Variants in ENOX1 observed in about 807,000 individuals in gnomAD.
ENOX1 encodes candidate growth-related and time keeping constitutive hydroquinone (NADH) oxidase.
Under a neutral mutation model 82.5 loss-of-function variants are expected in ENOX1, and 42 were observed. The ratio of observed to expected loss-of-function variants is 0.51; its 90% CI spans 0.40 to 0.66. The LOEUF is 0.66. Ranked by LOEUF, ENOX1 falls within the 30% of genes least tolerant of loss-of-function variation. The pLI, the probability that ENOX1 is intolerant of heterozygous loss-of-function variation, is 0.00. For missense variants in ENOX1, 608 were observed against 811.6 expected (o/e 0.75, Z 3.05); for synonymous variants, 271 against 282.2 (o/e 0.96, Z 0.40).
intron 2 of ENOX1, among the ~76,000 whole-genome samples, chr13:43,543,236 G>C (rs76583044): frequency 0.042 from 6,327 of 152,132 alleles, 450 homozygotes; most frequent in African/African-American, 0.14. Context: ...AAAGAGGAAG[G>C]AATAAAGAGA....
At chr13:43,647,924 T>C (rs943933837) in intron 2 of ENOX1, among the ~76,000 whole-genome samples, 2 of 152,176 alleles carry the variant, frequency 1.3e-5, no homozygotes, top group African/African-American at 4.8e-5. Flanking sequence ...CGACCCACCA[T>C]TGCTGGCTTT....
chr13:43,732,616 A>G (rs900466218), intron 1 of ENOX1, among the ~76,000 whole-genome samples: 1 of 152,192 alleles, frequency 6.6e-6, no homozygotes, highest in Non-Finnish European at 1.5e-5. Context: ...ACAGTACCCT[A>G]AAGAAAAAGA....
chr13:43,719,331 A>ACACACACG, intron 1 of ENOX1, among the ~76,000 whole-genome samples: 1 of 151,482 alleles, frequency 6.6e-6, no homozygotes, highest in Non-Finnish European at 1.5e-5. Flanking sequence ...ACACACACAC[A>ACACACACG]CACACACACA....
intron 8 of ENOX1, among the ~76,000 whole-genome samples, chr13:43,345,867 C>A (rs1025572409): frequency 9.2e-5 from 14 of 152,038 alleles, no homozygotes; most frequent in Non-Finnish European, 1.9e-4. Context: ...GATTCTCACC[C>A]ATTCATTTAA....
At chr13:43,696,499 C>T (rs17653052) in intron 1 of ENOX1, among the ~76,000 whole-genome samples, 14,843 of 152,172 alleles carry the variant, frequency 0.098, 1,217 homozygotes, top group East Asian at 0.28. Flanking sequence ...AGATATTTTA[C>T]ACATAGTGGA....
At chr13:43,362,931 GA>G (rs1351472078) in intron 5 of ENOX1, among the ~76,000 whole-genome samples, 14 of 152,008 alleles carry the variant, frequency 9.2e-5, no homozygotes, top group Non-Finnish European at 1.6e-4. Flanking sequence ...TTTTTTAAAA[GA>G]AAAGAACCCT....
chr13:43,256,037 G>A (rs562843784), intron 14 of ENOX1, among the ~76,000 whole-genome samples: 1 of 152,204 alleles, frequency 6.6e-6, no homozygotes, highest in Non-Finnish European at 1.5e-5. Flanking sequence ...TTTCAACAAA[G>A]GTGTCAAAAA....
intron 5 of ENOX1, among the ~76,000 whole-genome samples, chr13:43,380,978 C>T (rs1282795253): frequency 1.3e-5 from 2 of 151,656 alleles, no homozygotes; most frequent in Non-Finnish European, 3.0e-5. Context: ...TTCAACAACC[C>T]TCTCTTAATA....
intron 8 of ENOX1, among the ~76,000 whole-genome samples, chr13:43,352,459 G>A (rs1428575197): frequency 1.3e-5 from 2 of 152,144 alleles, no homozygotes; most frequent in Admixed American, 6.5e-5. Context: ...TTCCTCCAGG[G>A]GTGGATGGTC....
At chr13:43,653,252 C>T (rs1025749642) in intron 2 of ENOX1, among the ~76,000 whole-genome samples, 1 of 152,184 alleles carries the variant, frequency 6.6e-6, no homozygotes, top group Non-Finnish European at 1.5e-5. Flanking sequence ...TTAATGGAAA[C>T]AAACATCTGC....
intron 7 of ENOX1, chr13:43,359,585 C>G: frequency 2.2e-6 from 1 of 459,250 alleles, no homozygotes; most frequent in Non-Finnish European, 4.0e-6. Flanking sequence ...AATATTGCTT[C>G]TCATCTAATA....
intron 2 of ENOX1, among the ~76,000 whole-genome samples, chr13:43,494,644 C>G (rs191131664): frequency 6.6e-6 from 1 of 152,178 alleles, no homozygotes; most frequent in East Asian, 1.9e-4. Flanking sequence ...GAGTGACACA[C>G]AGAGTGGAGT....
intron 1 of ENOX1, among the ~76,000 whole-genome samples, chr13:43,755,172 T>C (rs1950585339): frequency 6.6e-6 from 1 of 152,196 alleles, no homozygotes; most frequent in Non-Finnish European, 1.5e-5. Flanking sequence ...ATGTTCCTCA[T>C]TTCCTAATTG....
chr13:43,283,364 G>C (rs1323273213), intron 12 of ENOX1, among the ~76,000 whole-genome samples: 2 of 151,922 alleles, frequency 1.3e-5, no homozygotes, highest in African/African-American at 4.8e-5. Flanking sequence ...TGGCTGTGTT[G>C]ATCTTCTCTA....
intron 1 of ENOX1, among the ~76,000 whole-genome samples, chr13:43,668,364 A>T (rs572810613): frequency 5.9e-5 from 9 of 152,314 alleles, no homozygotes; most frequent in Non-Finnish European, 1.3e-4. Flanking sequence ...GTTGCCCCGA[A>T]CTTCAAGACC....
At chr13:43,386,353 A>C (rs992881239) in intron 5 of ENOX1, among the ~76,000 whole-genome samples, 2 of 152,220 alleles carry the variant, frequency 1.3e-5, no homozygotes, top group African/African-American at 4.8e-5. Context: ...TCCCAAGAGC[A>C]TTATTTAAGG....
intron 2 of ENOX1, among the ~76,000 whole-genome samples, chr13:43,574,133 G>A (rs1393662964): frequency 6.6e-6 from 1 of 152,168 alleles, no homozygotes; most frequent in Non-Finnish European, 1.5e-5. Flanking sequence ...TATTTCTCCT[G>A]TCATTTAGCC....
chr13:43,458,100 G>T (rs2057309053), intron 3 of ENOX1, among the ~76,000 whole-genome samples: 1 of 151,944 alleles, frequency 6.6e-6, no homozygotes, highest in African/African-American at 2.4e-5. Flanking sequence ...ACTCAATTAT[G>T]GACCAATAAC....
intron 14 of ENOX1, among the ~76,000 whole-genome samples, chr13:43,255,034 C>CA (rs1317876236): frequency 2.0e-5 from 3 of 151,882 alleles, no homozygotes; most frequent in Admixed American, 6.6e-5. Context: ...AACATAGATG[C>CA]AAAAAATCCT....
Sources: allele counts gnomAD v4.1 joint callset (sites outside exome capture counted in the v4.1 genomes callset), GRCh38; gene constraint gnomAD v4.1.1; transcripts MANE v1.5; gene names NCBI Gene and HGNC (gene_info 2026-07-23, HGNC 2026-07-21).